Variants in TBC1D22A observed in about 807,000 individuals in gnomAD.
TBC1D22A encodes putative GTPase activator.
A neutral mutation model predicts 60.2 loss-of-function variants in TBC1D22A; 38 were observed. That is an observed-to-expected ratio of 0.63 (90% confidence interval 0.49 to 0.83). The LOEUF (loss-of-function observed/expected upper bound fraction) is 0.83, where lower values mean the gene tolerates loss of function less well. TBC1D22A is among the 40% of genes least tolerant of loss of function. The probability of loss-of-function intolerance (pLI) is 0.00; values close to 1 mark genes in which losing one functional copy is unlikely to be tolerated. For missense variants in TBC1D22A, 628 were observed against 701.0 expected, an observed-to-expected ratio of 0.90 and a Z score of 1.18; for synonymous variants, 302 against 281.7, an observed-to-expected ratio of 1.07 and a Z score of -0.72.
At chr22:46,995,823 C>T (rs906627306) in intron 9 of TBC1D22A, among the ~76,000 whole-genome samples, 2 of 152,180 alleles carry the variant, frequency 1.3e-5, no homozygotes, top group African/African-American at 4.8e-5. Context: ...TTGACCACCT[C>T]GAGGAACCTC....
rs571832275 is a variant in TBC1D22A, at chr22:46,892,897, G to A, written c.837+1503G>A. ...TTCTACATTAATATAGATGAGACACGCCTGTGGCAACGCGGTAGTTTTTCC... is the reference window on the plus strand; with the variant it reads ...TTCTACATTAATATAGATGAGACACACCTGTGGCAACGCGGTAGTTTTTCC... On this transcript the variant is annotated intron_variant, in intron 6 of 12. Transcript: ENST00000337137. Among the ~76,000 whole-genome samples the A allele has an allele frequency of 2.6e-5, 4 of 152,338 alleles. No homozygotes were observed. The South Asian group carries it at 6.2e-4, about 24-fold the overall frequency.
chr22:47,084,635 C>A (rs957898349), intron 11 of TBC1D22A, among the ~76,000 whole-genome samples: 2 of 152,100 alleles, frequency 1.3e-5, no homozygotes, highest in African/African-American at 4.8e-5. Flanking sequence ...TATTCAGCAA[C>A]AGAATGGATA....
chr22:47,070,081 T>C (rs1603230914), intron 11 of TBC1D22A, among the ~76,000 whole-genome samples: 1 of 127,248 alleles, frequency 7.9e-6, no homozygotes, highest in East Asian at 2.1e-4. Flanking sequence ...GGTTGGACGC[T>C]GTCCCCTGTT....
At chr22:47,090,965 A>G (rs1042211472) in intron 11 of TBC1D22A, among the ~76,000 whole-genome samples, 4 of 134,172 alleles carry the variant, frequency 3.0e-5, no homozygotes, top group Non-Finnish European at 6.2e-5. Flanking sequence ...GACAGGCACG[A>G]GAAGTTGTCT....
intron 11 of TBC1D22A, among the ~76,000 whole-genome samples, chr22:47,042,550 C>T (rs1391060806): frequency 6.6e-6 from 1 of 152,242 alleles, no homozygotes; most frequent in Non-Finnish European, 1.5e-5. Context: ...CCTCCTGCAC[C>T]CTGTGGGTCT....
intron 11 of TBC1D22A, among the ~76,000 whole-genome samples, chr22:47,064,698 C>T (rs75524349): frequency 6.6e-6 from 1 of 152,176 alleles, no homozygotes; most frequent in African/African-American, 2.4e-5. Flanking sequence ...TGGAAGGAAT[C>T]CTAGGGGCAT....
chr22:46,853,129 C>T (rs1044938813), intron 4 of TBC1D22A, among the ~76,000 whole-genome samples: 3 of 152,116 alleles, frequency 2.0e-5, no homozygotes, highest in South Asian at 2.1e-4. Flanking sequence ...GAGAGGATGA[C>T]GGGGCCTTTG....
chr22:47,070,317 C>G (rs1267562090), intron 11 of TBC1D22A, among the ~76,000 whole-genome samples: 2 of 140,038 alleles, frequency 1.4e-5, no homozygotes, highest in African/African-American at 2.7e-5. Flanking sequence ...TTGATGGTTC[C>G]AGGCTGTTCC....
chr22:46,822,002 A>T (rs949660169), intron 4 of TBC1D22A, among the ~76,000 whole-genome samples: 1 of 151,296 alleles, frequency 6.6e-6, no homozygotes, highest in East Asian at 1.9e-4. Context: ...TCAAACTCTG[A>T]TATCCTTTCT....
intron 4 of TBC1D22A, among the ~76,000 whole-genome samples, chr22:46,799,721 G>A (rs1208781868): frequency 6.6e-6 from 1 of 152,228 alleles, no homozygotes; most frequent in African/African-American, 2.4e-5. Flanking sequence ...CAGTGATTTT[G>A]TGGGATGTCC....
At chr22:47,051,042 TGGGGCTTCCCCAG>T (rs372177499) in intron 11 of TBC1D22A, among the ~76,000 whole-genome samples, 71 of 152,318 alleles carry the variant, frequency 4.7e-4, no homozygotes, top group African/African-American at 1.7e-3. Flanking sequence ...GCGGCGGCTC[TGGGGCTTCCCCAG>T]GGGGCTTCCG....
At position 47,037,206 on chromosome 22, in the gene TBC1D22A, C is replaced by G. The variant is rs1285114891; in HGVS notation, c.1329+8C>G. On this transcript the variant is annotated splice_region_variant and intron_variant, in intron 11 of 12. Transcript: ENST00000337137. ...CTGTGGGACACCTACCAGGTGAGCTCTCCTTCGCACCCTCCGCCATGGGGG... is the reference window on the plus strand; with the variant it reads ...CTGTGGGACACCTACCAGGTGAGCTGTCCTTCGCACCCTCCGCCATGGGGG... The G allele has an allele frequency of 6.2e-7, 1 of 1,612,638 alleles. No individual in the cohort carries two copies. Among genetic ancestry groups the G allele is most frequent in the Non-Finnish European group, 8.5e-7 (1 of 1,179,492 alleles).
rs142283340 is a variant in TBC1D22A, at chr22:47,135,195, C to A, written c.1425+23592C>A. 3.5e-4 allele frequency among the ~76,000 whole-genome samples: 53 copies of A among 152,338 alleles called. 2 individuals carry two copies. In the East Asian group the frequency reaches 0.01, roughly 29 times the overall value. On this transcript the variant is annotated intron_variant, in intron 12 of 12. Transcript: ENST00000337137. Reference sequence around the variant, plus strand: ...GCCCACCTGTGGGCAGCCGGCCTTCCCAGAACCCCCTGGCAGGCCGGCGCA... The same window carrying A: ...GCCCACCTGTGGGCAGCCGGCCTTCACAGAACCCCCTGGCAGGCCGGCGCA...
rs567705410 is a variant in TBC1D22A at position 46,963,551 on chromosome 22, C to G, written c.1016-10739C>G. Reference sequence around the variant, plus strand: ...ACATATTGTTCAGGAAAGTAGAAACCTTGGCAAGTATAAAACCCAAGAGAC... The same window carrying G: ...ACATATTGTTCAGGAAAGTAGAAACGTTGGCAAGTATAAAACCCAAGAGAC... On this transcript the variant is annotated intron_variant, in intron 8 of 12. Transcript: ENST00000337137. Among the ~76,000 whole-genome samples the G allele has an allele frequency of 2.1e-3, 315 of 152,332 alleles. 1 individual carries two copies. The highest frequency in any genetic ancestry group is 3.1e-3 in the Non-Finnish European group (214 of 68,032).
chr22:47,062,973 C>T (rs2063630119), intron 11 of TBC1D22A, among the ~76,000 whole-genome samples: 1 of 152,118 alleles, frequency 6.6e-6, no homozygotes, highest in South Asian at 2.1e-4. Flanking sequence ...TGAGAAACAG[C>T]AGCGAGCGCA....
intron 7 of TBC1D22A, among the ~76,000 whole-genome samples, chr22:46,904,556 C>T (rs1260310751): frequency 6.6e-6 from 1 of 151,854 alleles, no homozygotes; most frequent in Non-Finnish European, 1.5e-5. Context: ...GCAACCTCTG[C>T]CTCCCGGGTT....
chr22:46,941,333 CAA>C (rs989303572), intron 8 of TBC1D22A, among the ~76,000 whole-genome samples: 12 of 101,230 alleles, frequency 1.2e-4, no homozygotes, highest in African/African-American at 4.2e-4. Flanking sequence ...TGGGGCACTA[CAA>C]TATATATATA....
At chr22:46,766,912 G>C (rs1307506050) in intron 1 of TBC1D22A, among the ~76,000 whole-genome samples, 1 of 152,134 alleles carries the variant, frequency 6.6e-6, no homozygotes, top group African/African-American at 2.4e-5. Flanking sequence ...GGTGCCTCTG[G>C]CTTCCTGTTC....
chr22:47,031,516 G>A (rs2062473301), intron 10 of TBC1D22A, among the ~76,000 whole-genome samples: 1 of 152,228 alleles, frequency 6.6e-6, no homozygotes, highest in African/African-American at 2.4e-5. Flanking sequence ...TTGTGACCGG[G>A]TGCTCTTGCA....
Sources: gnomAD v4.1 joint callset for allele counts (sites outside exome capture counted in the v4.1 genomes callset) on GRCh38, gnomAD v4.1.1 for gene constraint, MANE v1.5 for transcripts, NCBI Gene and HGNC (gene_info 2026-07-23, HGNC 2026-07-21) for gene names.